The following TMEM185A variants were observed in gnomAD, a reference collection of about 807,000 sequenced individuals.
TMEM185A encodes the protein transmembrane protein 185A.
Under a neutral mutation model 25.0 loss-of-function variants are expected in TMEM185A, and 9 were observed. The observed-to-expected ratio is 0.36, with a 90% CI of 0.22 to 0.63. The LOEUF is 0.63. Among genes scored for constraint, TMEM185A ranks in the 20% least tolerant of loss-of-function variants. The pLI is 0.68. For missense variants in TMEM185A, 103 were observed against 237.4 expected (o/e 0.43, Z 3.72); for synonymous variants, 45 against 93.5 (o/e 0.48, Z 2.99).
At chrX:149,604,712 C>G (rs968541517) in intron 3 of TMEM185A, among the ~76,000 whole-genome samples, 1 of 111,679 alleles carries the variant, frequency 9.0e-6, no homozygotes, top group Non-Finnish European at 1.9e-5. Flanking sequence ...CCCCTACTAT[C>G]TCATCTACCA....
At chrX:149,625,089 C>T (rs2090157328) in intron 1 of TMEM185A, among the ~76,000 whole-genome samples, 1 of 112,292 alleles carries the variant, frequency 8.9e-6, no homozygotes, top group African/African-American at 3.2e-5. Context: ...TATGAGTCTC[C>T]ACTTATAAAG....
intron 1 of TMEM185A, among the ~76,000 whole-genome samples, chrX:149,621,980 C>A (rs1347415206): frequency 9.8e-5 from 11 of 111,999 alleles, no homozygotes; most frequent in Non-Finnish European, 2.1e-4. Context: ...CCTGGTTCCA[C>A]GGATTAGGAT....
chrX:149,599,456 C>T (rs2090008358), intron 6 of TMEM185A, 98 bp downstream of exon 6: 4 of 729,745 alleles, frequency 5.5e-6, no homozygotes, highest in Admixed American at 2.7e-5. Flanking sequence ...TTGGGGCCCT[C>T]GGGGACTCAT....
chrX:149,622,894 T>C (rs148526727), intron 1 of TMEM185A, among the ~76,000 whole-genome samples: 1,396 of 112,008 alleles, frequency 0.012, 21 homozygotes, highest in African/African-American at 0.043. Flanking sequence ...TTTTTATTTA[T>C]TATGGATACA....
intron 3 of TMEM185A, among the ~76,000 whole-genome samples, chrX:149,607,061 A>G (rs1602861628): frequency 9.0e-6 from 1 of 111,664 alleles, no homozygotes; most frequent in Non-Finnish European, 1.9e-5. Flanking sequence ...CCTTTCCACC[A>G]GCATGAAAAT....
chrX:149,607,637 G>A (rs1449563497), intron 3 of TMEM185A, among the ~76,000 whole-genome samples: 4 of 112,245 alleles, frequency 3.6e-5, no homozygotes, highest in African/African-American at 1.3e-4. Flanking sequence ...TATCCTCTAT[G>A]CTTAGGGAAA....
chrX:149,601,360 T>C (rs1319619844), intron 4 of TMEM185A: 1 of 98,162 alleles, frequency 1.0e-5, no homozygotes. Context: ...CACACAGCCG[T>C]TGGCAGGATG....
At chrX:149,624,521 A>G (rs2090154167) in intron 1 of TMEM185A, among the ~76,000 whole-genome samples, 1 of 111,814 alleles carries the variant, frequency 8.9e-6, no homozygotes, top group South Asian at 3.8e-4. Flanking sequence ...ACTGGAGCAC[A>G]TACACGCGCA....
intron 1 of TMEM185A, 63 bp from the exon 2 acceptor site, chrX:149,611,526 G>A: frequency 9.7e-7 from 1 of 1,032,525 alleles, no homozygotes; most frequent in Non-Finnish European, 1.3e-6. Context: ...ACTGAAATGG[G>A]GAGTAATAAG....
At chrX:149,626,049 T>C (rs782799779) in intron 1 of TMEM185A, among the ~76,000 whole-genome samples, 5 of 112,402 alleles carry the variant, frequency 4.4e-5, no homozygotes, top group Non-Finnish European at 7.5e-5. Flanking sequence ...ACTTAGATTC[T>C]TCCTGCCTAT....
At chrX:149,603,298 T>G in intron 4 of TMEM185A, among the ~76,000 whole-genome samples, 1 of 110,710 alleles carries the variant, frequency 9.0e-6, no homozygotes, top group Middle Eastern at 4.6e-3. Context: ...ATGGCTTTTT[T>G]TTTTTTTCTT....
chrX:149,605,595 C>T (rs1410199761), intron 3 of TMEM185A, among the ~76,000 whole-genome samples: 1 of 109,396 alleles, frequency 9.1e-6, no homozygotes, highest in Non-Finnish European at 1.9e-5. Context: ...CACTTGGAGG[C>T]ACAACAGTGG....
chrX:149,619,861 C>T (rs2090131032), intron 1 of TMEM185A, among the ~76,000 whole-genome samples: 1 of 111,800 alleles, frequency 8.9e-6, no homozygotes, highest in African/African-American at 3.3e-5. Context: ...TATAGTATTC[C>T]ATGGTGTATA....
chrX:149,610,428 CAAAAAAAAAAAAA>C (rs374846385), intron 2 of TMEM185A, among the ~76,000 whole-genome samples: 16 of 26,601 alleles, frequency 6.0e-4, no homozygotes, highest in South Asian at 5.8e-3. Flanking sequence ...AACTCTGTCT[CAAAAAAAAAAAAA>C]AAAAAAAAAA....
rs2089993610 is a variant in TMEM185A, at chrX:149,596,971, G to A, written c.*1040C>T. On this transcript the variant is annotated 3_prime_UTR_variant, in exon 7 of 7. Transcript: ENST00000600449. ...TCCAAAGCCTTCTTGTTGCTGGCAG[G>A]AGGGAAGCTTGAGACTTTCCCACGC... 1 of 102,808 alleles carries A rather than the reference G, an allele frequency of 9.7e-6. No individual in the cohort carries two copies. Among genetic ancestry groups the A allele is most frequent in the South Asian group, 4.4e-4 (1 of 2,259 alleles). 8.5% of individuals were successfully genotyped at this position (102,808 alleles called of 1,213,427 possible). A position where few individuals can be genotyped will look rare whatever the true frequency, so the allele number is the denominator to read the frequency against.
intron 1 of TMEM185A, among the ~76,000 whole-genome samples, chrX:149,617,247 C>A (rs1557355119): frequency 9.0e-6 from 1 of 111,638 alleles, no homozygotes. Context: ...TTGGACTTCT[C>A]CAAAATGAAA....
rs781835633 is a variant in TMEM185A, at chrX:149,608,616, T to A, written c.423+11A>T. 1.7e-6 allele frequency: 2 copies of A among 1,207,537 alleles called. No homozygotes were observed. Among genetic ancestry groups the A allele is most frequent in the African/African-American group, 3.5e-5 (2 of 57,070 alleles). On this transcript the variant is annotated intron_variant, in intron 3 of 6. Coordinates refer to ENST00000600449, the MANE Select transcript of TMEM185A (RefSeq NM_032508.4). ...AAAGTGGAAAACATTCTTAAATATATGAAATCTCACCTCTAGTGACCTGTC... is the reference window on the plus strand; with the variant it reads ...AAAGTGGAAAACATTCTTAAATATAAGAAATCTCACCTCTAGTGACCTGTC...
At chrX:149,614,170 T>A (rs1212090824) in intron 1 of TMEM185A, among the ~76,000 whole-genome samples, 1 of 111,601 alleles carries the variant, frequency 9.0e-6, no homozygotes, top group Non-Finnish European at 1.9e-5. Context: ...ATAGATTGAA[T>A]TCTGGGCCAT....
intron 1 of TMEM185A, among the ~76,000 whole-genome samples, chrX:149,629,648 T>C (rs1199419422): frequency 8.9e-6 from 1 of 112,480 alleles, no homozygotes; most frequent in African/African-American, 3.2e-5. Flanking sequence ...AAGAGATTGA[T>C]GAATATGTTG....
Sources: allele counts gnomAD v4.1 joint callset (sites outside exome capture counted in the v4.1 genomes callset), GRCh38; gene constraint gnomAD v4.1.1; transcripts MANE v1.5; gene names NCBI Gene and HGNC (gene_info 2026-07-23, HGNC 2026-07-21).